Variants in KCNMA1 observed in about 807,000 individuals in gnomAD.
KCNMA1 encodes the protein potassium calcium-activated channel subfamily M alpha 1, also known as Calcium-activated potassium channel subunit alpha-1.
KCNMA1 carries 29 observed loss-of-function variants against 140.0 expected under a neutral mutation model. The observed-to-expected ratio is 0.21, with a 90% CI of 0.15 to 0.28. KCNMA1 has a LOEUF of 0.28. Among genes scored for constraint, KCNMA1 ranks in the 10% least tolerant of loss-of-function variants. The pLI, the probability that KCNMA1 is intolerant of heterozygous loss-of-function variation, is 1.00. For synonymous variants in KCNMA1, 612 were observed against 611.9 expected (o/e 1.00, Z 0.00); for missense variants, 880 against 1,602.2 (o/e 0.55, Z 7.70).
In KCNMA1 at chr10:76,889,469, G is replaced by C. The variant is rs1356235297; in HGVS notation, c.3443C>G (p.Pro1148Arg). 19 of 1,611,436 alleles carry C rather than the reference G, an allele frequency of 1.2e-5. No homozygotes were observed. Among genetic ancestry groups the C allele is most frequent in the Non-Finnish European group, 1.6e-5 (19 of 1,177,714 alleles). Reference protein sequence around the residue: ...YRLRDAHLSTPSQCTKRYVIT... With the variant: ...YRLRDAHLSTRSQCTKRYVIT... ...TACTCACCTCTTTGTGCACTGACTG[G>C]GGGTGCTGAGGTGAGCATCTCTCAG... The change falls in exon 27 of 28, where the codon CCC becomes CGC. Residue 1148 changes from proline to arginine, a missense_variant. Pro to Arg is a moderately radical substitution (Grantham distance 103). Transcript: ENST00000286628.
intron 2 of KCNMA1, among the ~76,000 whole-genome samples, chr10:77,395,840 A>C (rs1203260563): frequency 5.3e-5 from 8 of 152,242 alleles, no homozygotes; most frequent in Non-Finnish European, 1.0e-4. Flanking sequence ...GAGACTGCTC[A>C]ATTCAATTAT....
At chr10:77,224,925 C>T (rs1022637564) in intron 3 of KCNMA1, among the ~76,000 whole-genome samples, 4 of 152,284 alleles carry the variant, frequency 2.6e-5, no homozygotes, top group African/African-American at 7.2e-5. Context: ...CTGTTGTTGG[C>T]GCCGCTGCTC....
At chr10:77,177,329 CCTTCCTTCCTTT>C (rs1233478585) in intron 5 of KCNMA1, among the ~76,000 whole-genome samples, 2 of 143,894 alleles carry the variant, frequency 1.4e-5, no homozygotes, top group Non-Finnish European at 3.0e-5. Flanking sequence ...CTTTTATTTT[CCTTCCTTCCTTT>C]CTTCCTTCCT....
chr10:77,003,974 C>T lies in KCNMA1; in HGVS notation c.2093-2394G>A, dbSNP rs150960650. The stretch of plus-strand genomic sequence containing the variant: ...CAACTGTTATTGTTAGCCGTTCTGG[C>T]GACCATGCATTGTTCTAAAATTTCT... On this transcript the variant is annotated intron_variant, in intron 18 of 27. Transcript: ENST00000286628. Among the ~76,000 whole-genome samples the T allele has an allele frequency of 2.3e-3, 354 of 152,208 alleles. 1 individual carries two copies. The highest frequency in any genetic ancestry group is 3.4e-3 in the Middle Eastern group (1 of 294).
chr10:77,257,677 G>A (rs923558069), intron 2 of KCNMA1, among the ~76,000 whole-genome samples: 4 of 152,164 alleles, frequency 2.6e-5, no homozygotes, highest in African/African-American at 9.7e-5. Flanking sequence ...GTTGTGGGAG[G>A]GACCTGGTGG....
At chr10:77,607,560 G>A (rs895897282) in intron 1 of KCNMA1, among the ~76,000 whole-genome samples, 5 of 152,158 alleles carry the variant, frequency 3.3e-5, no homozygotes, top group Admixed American at 3.3e-4. Flanking sequence ...GAGGGAGGTA[G>A]AGGGAGATTT....
At position 77,232,146 on chromosome 10, in the gene KCNMA1, CT is replaced by C. The variant is rs2053818339; in HGVS notation, c.602+19048del. 3.3e-5 allele frequency among the ~76,000 whole-genome samples: 5 copies of C among 152,360 alleles called. No individual in the cohort carries two copies. In the South Asian group the frequency reaches 1.0e-3, roughly 32 times the overall value. ...CTTTTTATAGCCAAATGGTATTCCA[CT>C]GCATAAGCACATCACATTTTGTTAA... On this transcript the variant is annotated intron_variant, in intron 3 of 27. Coordinates refer to ENST00000286628, the MANE Select transcript of KCNMA1 (RefSeq NM_001161352.2).
rs187148541 is a variant in KCNMA1, at chr10:77,262,584, T to A, written c.541-11328A>T. Reference sequence around the variant, plus strand: ...GGCCTGATGGGAGGCGTTTTGGTCATGGGGGTGGATCCCTCATGAATGGCT... The same window carrying A: ...GGCCTGATGGGAGGCGTTTTGGTCAAGGGGGTGGATCCCTCATGAATGGCT... On this transcript the variant is annotated intron_variant, in intron 2 of 27. Coordinates refer to ENST00000286628, the MANE Select transcript of KCNMA1 (RefSeq NM_001161352.2). Among the ~76,000 whole-genome samples, 17 of 152,178 alleles carry A rather than the reference T, an allele frequency of 1.1e-4. No individual in the cohort carries two copies. The East Asian group carries it at 2.9e-3, about 26-fold the overall frequency.
At chr10:76,991,053 G>A (rs534568353) in intron 19 of KCNMA1, among the ~76,000 whole-genome samples, 1 of 152,272 alleles carries the variant, frequency 6.6e-6, no homozygotes, top group Admixed American at 6.5e-5. Flanking sequence ...TACCCTGACC[G>A]CCATAAAAGG....
At chr10:76,966,654 G>C (rs1334749900) in intron 20 of KCNMA1, among the ~76,000 whole-genome samples, 4 of 152,120 alleles carry the variant, frequency 2.6e-5, no homozygotes, top group African/African-American at 7.2e-5. Context: ...ATTGGGCAAC[G>C]GGTGCTTGGT....
At chr10:77,342,930 G>A (rs2091303387) in intron 2 of KCNMA1, among the ~76,000 whole-genome samples, 1 of 152,194 alleles carries the variant, frequency 6.6e-6, no homozygotes, top group Non-Finnish European at 1.5e-5. Flanking sequence ...CTGTGGAAAG[G>A]ACAGAAGCTT....
downstream of KCNMA1, chr10:76,876,009 A>G (rs2032313937): frequency 6.6e-6 from 1 of 152,528 alleles, no homozygotes; most frequent in African/African-American, 2.4e-5. Context: ...CAGTCCGACA[A>G]ATCACTGCAG....
chr10:76,979,938 G>C (rs2078916115), intron 19 of KCNMA1: 1 of 152,190 alleles, frequency 6.6e-6, no homozygotes. Context: ...TGTGGATTAT[G>C]ACTTTACACT....
At chr10:77,185,649 C>T (rs2098843712) in intron 3 of KCNMA1, among the ~76,000 whole-genome samples, 1 of 148,796 alleles carries the variant, frequency 6.7e-6, no homozygotes, top group African/African-American at 2.5e-5. Flanking sequence ...GTGTGTCGAG[C>T]AGCCAATGCA....
exon 28 of KCNMA1, chr10:76,871,493 T>G (rs1054297704): frequency 6.6e-6 from 1 of 152,264 alleles, no homozygotes; most frequent in African/African-American, 2.4e-5. Flanking sequence ...TGCTATTCAG[T>G]GTTCACATTT....
intron 1 of KCNMA1, among the ~76,000 whole-genome samples, chr10:77,540,209 G>A (rs2059860331): frequency 1.3e-5 from 2 of 152,140 alleles, no homozygotes; most frequent in African/African-American, 2.4e-5. Context: ...TTGGATCCAG[G>A]GTCACAGCCA....
chr10:77,257,203 A>G (rs2060964003), intron 2 of KCNMA1, among the ~76,000 whole-genome samples: 1 of 152,222 alleles, frequency 6.6e-6, no homozygotes, highest in Non-Finnish European at 1.5e-5. Context: ...TCATTCCAAC[A>G]TCTAAATTAT....
intron 2 of KCNMA1, among the ~76,000 whole-genome samples, chr10:77,264,451 C>G (rs2154270283): frequency 6.6e-6 from 1 of 152,266 alleles, no homozygotes; most frequent in Non-Finnish European, 1.5e-5. Context: ...TAGAATGTCA[C>G]TTGTTATCTT....
At chr10:77,151,469 GC>G (rs34844470) in intron 5 of KCNMA1, among the ~76,000 whole-genome samples, 135,410 of 152,064 alleles carry the variant, frequency 0.89, 60,352 homozygotes, top group Admixed American at 0.93. Context: ...CTTGTGATCT[GC>G]CCCCCCTTGC....
Sources: allele counts gnomAD v4.1 joint callset (sites outside exome capture counted in the v4.1 genomes callset), GRCh38; gene constraint gnomAD v4.1.1; transcripts MANE v1.5; gene names NCBI Gene and HGNC (gene_info 2026-07-23, HGNC 2026-07-21).